Variants in RNF41 observed in about 807,000 individuals in gnomAD.
RNF41 encodes the protein ring finger protein 41.
In RNF41, 4 loss-of-function variants were observed where a neutral mutation model predicts 33.0. That is an observed-to-expected ratio of 0.12 (90% CI 0.06 to 0.28). The LOEUF (loss-of-function observed/expected upper bound fraction) is 0.28, where lower values mean the gene tolerates loss of function less well. Among genes scored for constraint, RNF41 ranks in the 10% least tolerant of loss-of-function variants. The pLI, the probability that RNF41 is intolerant of heterozygous loss-of-function variation, is 1.00. For missense variants in RNF41, 228 were observed against 432.6 expected, an observed-to-expected ratio of 0.53 and a Z score of 4.19; for synonymous variants, 164 against 153.2, an observed-to-expected ratio of 1.07 and a Z score of -0.52.
intron 6 of RNF41, chr12:56,207,258 G>T: frequency 5.3e-6 from 7 of 1,330,412 alleles, no homozygotes; most frequent in Non-Finnish European, 6.9e-6. Context: ...GCATTTTAGA[G>T]ATCACTTTCC....
chr12:56,207,807 A>G, intron 5 of RNF41, 58 bp from the exon 6 acceptor site: 1 of 1,391,706 alleles, frequency 7.2e-7, no homozygotes, highest in South Asian at 1.2e-5. Context: ...AAAAAAGACA[A>G]AAGTTTATCC....
rs1251875884 is a variant in RNF41, at chr12:56,210,375, C to T, written c.284G>A (p.Arg95Gln). 2.5e-6 allele frequency: 4 copies of T among 1,614,044 alleles called. No homozygotes were observed. The highest frequency in any genetic ancestry group is 3.4e-6 in the Non-Finnish European group (4 of 1,180,030). Residue 95 changes from arginine (R) to glutamine (Q), a missense_variant, in exon 4 of 7, where the codon CGG becomes CAG. By Grantham distance (43) the Arg-to-Gln change is conservative. This residue lies in a region of RNF41 where 199 missense variants were observed against 334.6 expected (regional missense o/e 0.59). Coordinates refer to ENST00000345093, the MANE Select transcript of RNF41 (RefSeq NM_005785.4). ...GAGGTGAGACATGAGGTTGTCAAGC[C>T]GGACAACGGCACTACAGCCGAACAC... is the stretch of plus-strand genomic sequence containing the variant. ...NAVFGCSAVV[R>Q]LDNLMSHLSD...
chr12:56,220,372 GC>G (rs113325283), intron 1 of RNF41, among the ~76,000 whole-genome samples: 151,811 of 151,812 alleles, frequency 1, 75,905 homozygotes, highest in Non-Finnish European at 1. Flanking sequence ...ATGCAGCCAT[GC>G]CCCGGCTAAT....
At chr12:56,216,184 A>G (rs1448294733) in intron 2 of RNF41, among the ~76,000 whole-genome samples, 2 of 152,174 alleles carry the variant, frequency 1.3e-5, no homozygotes, top group Non-Finnish European at 2.9e-5. Flanking sequence ...CTTGAGCCCA[A>G]TGAGTACATA....
At chr12:56,211,971 C>CA (rs1176555839) in intron 3 of RNF41, among the ~76,000 whole-genome samples, 2 of 150,278 alleles carry the variant, frequency 1.3e-5, no homozygotes, top group South Asian at 2.1e-4. Flanking sequence ...GACTCCATCT[C>CA]AAAAAAACAA....
Position 56,206,702 on chromosome 12 carries a change from C to G in RNF41, c.699G>C (p.Leu233=). Residue 233 remains leucine (L), a synonymous_variant, in exon 7 of 7, where the codon CTG becomes CTC. Coordinates refer to ENST00000345093, the MANE Select transcript of RNF41 (RefSeq NM_005785.4). The surrounding 1 kb of genome is among the most constrained non-coding windows in gnomAD (Gnocchi z 5.7). ...AVLQAVIKRS[L]VESGCPASIV... ...TAGAAGCAGGACAGCCACTCTCCAC[C>G]AGGGAGCGCTTGATTACAGCCTGGA... 6.2e-7 allele frequency: 1 copy of G among 1,614,144 alleles called. No homozygotes were observed. The highest frequency in any genetic ancestry group is 8.5e-7 in the Non-Finnish European group (1 of 1,180,016).
chr12:56,211,098 T>C (rs1272698426), intron 3 of RNF41, among the ~76,000 whole-genome samples: 1 of 152,082 alleles, frequency 6.6e-6, no homozygotes, highest in African/African-American at 2.4e-5. Context: ...GGCAGGAGAA[T>C]AGCTTGAACC....
rs1868905801 is a variant in RNF41, at chr12:56,216,548, G to T, written c.-143C>A. 6.6e-6 allele frequency: 1 copy of T among 152,230 alleles called. No homozygotes were observed. Among genetic ancestry groups the T allele is most frequent in the Admixed American group, 6.5e-5 (1 of 15,272 alleles). 9.4% of individuals were successfully genotyped at this position (152,230 alleles called of 1,614,324 possible). ...ATCTTGTTGGCTATTCTCCGACTGAGTATTCCTTCCCAGTGACAAGCTCCA... is the reference window on the plus strand; with the variant it reads ...ATCTTGTTGGCTATTCTCCGACTGATTATTCCTTCCCAGTGACAAGCTCCA... On this transcript the variant is annotated 5_prime_UTR_variant, in exon 2 of 7. An upstream open reading frame in the 5' UTR gains an earlier in-frame stop. Transcript: ENST00000345093.
chr12:56,214,139 A>G (rs1868682982), intron 2 of RNF41, 69 bp from the exon 3 acceptor site: 3 of 836,302 alleles, frequency 3.6e-6, no homozygotes, highest in African/African-American at 3.3e-5. Context: ...ACATACACTC[A>G]TTGCCAAGAT....
rs1468121798 is a variant in RNF41, at chr12:56,214,074, A to C, written c.-23-4T>G. The C allele has an allele frequency of 6.6e-7, 1 of 1,523,642 alleles. No individual in the cohort carries two copies. Among genetic ancestry groups the C allele is most frequent in the Admixed American group, 1.7e-5 (1 of 59,890 alleles). 94.4% of individuals were successfully genotyped at this position (1,523,642 alleles called of 1,614,324 possible). Reference sequence around the variant, plus strand: ...TCTCATCACTGAAACCCAGGTCCTGAAAGGACAACAGGAAAAAGAGGCCAG... The same window carrying C: ...TCTCATCACTGAAACCCAGGTCCTGCAAGGACAACAGGAAAAAGAGGCCAG... On this transcript the variant is annotated splice_region_variant and splice_polypyrimidine_tract_variant and intron_variant, in intron 2 of 6. Transcript: ENST00000345093.
At chr12:56,215,014 C>T (rs1868766941) in intron 2 of RNF41, among the ~76,000 whole-genome samples, 1 of 152,100 alleles carries the variant, frequency 6.6e-6, no homozygotes, top group Admixed American at 6.6e-5. Flanking sequence ...CTGGGCGTCA[C>T]CAGAAACGTG....
At chr12:56,218,407 C>T (rs1869068928) in intron 1 of RNF41, among the ~76,000 whole-genome samples, 3 of 151,710 alleles carry the variant, frequency 2.0e-5, no homozygotes, top group Admixed American at 6.6e-5. Flanking sequence ...GGACCACAGG[C>T]ACACACCACC....
Position 56,214,041 on chromosome 12 carries a change from A to G in RNF41, c.7T>C (p.Tyr3His). The change falls in exon 3 of 7, where the codon TAT (tyrosine) becomes CAT (histidine). Residue 3 changes from tyrosine to histidine, a missense_variant. Tyr to His is a moderately conservative substitution (Grantham distance 83, BLOSUM62 2). This residue lies in a region of RNF41 where 29 missense variants were observed against 98.0 expected (regional missense o/e 0.30). Transcript: ENST00000345093. ...TCCCCCTGGAAACGGGTTACATCATACCCCATGTCTCATCACTGAAACCCA... is the reference window on the plus strand; with the variant it reads ...TCCCCCTGGAAACGGGTTACATCATGCCCCATGTCTCATCACTGAAACCCA... MG[Y>H]DVTRFQGDVD... is the part of the protein sequence containing the mutation. 6.2e-7 allele frequency: 1 copy of G among 1,612,438 alleles called. No individual in the cohort carries two copies. The highest frequency in any genetic ancestry group is 8.5e-7 in the Non-Finnish European group (1 of 1,178,536).
chr12:56,207,614 T>A (rs764697724), intron 6 of RNF41, 32 bp downstream of exon 6: 6 of 1,501,314 alleles, frequency 4.0e-6, no homozygotes, highest in South Asian at 3.4e-5. Flanking sequence ...TGTCAGGACA[T>A]GAAATCACTC....
At chr12:56,210,216 G>T in intron 4 of RNF41, 81 bp downstream of exon 4, 1 of 1,456,744 alleles carries the variant, frequency 6.9e-7, no homozygotes, top group Non-Finnish European at 9.5e-7. Context: ...GACCTCCTCA[G>T]CTAGTGAGGA....
At chr12:56,214,475 G>A (rs1001524571) in intron 2 of RNF41, among the ~76,000 whole-genome samples, 4 of 149,394 alleles carry the variant, frequency 2.7e-5, no homozygotes, top group South Asian at 2.1e-4. Context: ...AGCCGAGATC[G>A]CGCCACTGCA....
intron 3 of RNF41, among the ~76,000 whole-genome samples, chr12:56,213,388 C>T (rs1197610726): frequency 6.6e-6 from 1 of 151,952 alleles, no homozygotes; most frequent in Non-Finnish European, 1.5e-5. Context: ...TTAGTAGAGA[C>T]GGGGTTTCAC....
chr12:56,211,234 G>C (rs1868453518), intron 3 of RNF41, among the ~76,000 whole-genome samples: 1 of 152,014 alleles, frequency 6.6e-6, no homozygotes, highest in South Asian at 2.1e-4. Flanking sequence ...AGGAGGCTGA[G>C]GTGGGAGGAT....
intron 6 of RNF41, chr12:56,207,165 T>TAG: frequency 7.6e-7 from 1 of 1,320,772 alleles, no homozygotes; most frequent in African/African-American, 1.5e-5. Context: ...GATTCACACT[T>TAG]ACAGTTTACT....
Sources: gnomAD v4.1 joint callset for allele counts (sites outside exome capture counted in the v4.1 genomes callset) on GRCh38, gnomAD v4.1.1 for gene constraint, gnomAD v4.1.1 regional missense constraint, Gnocchi (gnomAD v3.1) non-coding constraint, MANE v1.5 for transcripts, NCBI Gene and HGNC (gene_info 2026-07-23, HGNC 2026-07-21) for gene names.